PDE11A: variants seen among roughly 807,000 people sequenced by gnomAD.
The protein encoded by PDE11A is dual 3',5'-cyclic-AMP and -GMP phosphodiesterase 11A.
In PDE11A, 100 loss-of-function variants were observed where a neutral mutation model predicts 100.5. That is an observed-to-expected ratio of 1.00 (90% CI 0.85 to 1.18). The LOEUF (loss-of-function observed/expected upper bound fraction) is 1.18. Ranked by LOEUF, PDE11A falls within the 50% of genes most tolerant of loss-of-function variation. The probability of loss-of-function intolerance (pLI) is 0.00; values close to 1 mark genes in which losing one functional copy is unlikely to be tolerated. For synonymous variants in PDE11A, 381 were observed against 420.8 expected (o/e 0.91, Z 1.16); for missense variants, 1,141 against 1,152.6 (o/e 0.99, Z 0.15).
intron 12 of PDE11A, among the ~76,000 whole-genome samples, chr2:177,723,715 G>T (rs186126916): frequency 6.6e-6 from 1 of 152,154 alleles, no homozygotes; most frequent in Admixed American, 6.5e-5. Context: ...TGCAGGGCAT[G>T]GCTCAAAGTG....
At chr2:178,042,926 G>C (rs915975491) in intron 1 of PDE11A, among the ~76,000 whole-genome samples, 1 of 152,144 alleles carries the variant, frequency 6.6e-6, no homozygotes, top group Non-Finnish European at 1.5e-5. Context: ...TAGAGAGAAT[G>C]GTGGGAGGCG....
Position 178,072,320 on chromosome 2 carries a change from G to A in PDE11A, c.118C>T (p.Gln40Ter). The A allele has an allele frequency of 6.2e-7, 1 of 1,614,114 alleles. No individual in the cohort carries two copies. The highest frequency in any genetic ancestry group is 8.5e-7 in the Non-Finnish European group (1 of 1,180,032). ...GKQEMVEKWL[Q>*]RHSQGQGALG... is the part of the protein sequence containing the mutation. ...GCCCCCTGACCCTGACTGTGCCTCTGCAGCCACTTTTCAACCATCTCCTGC... is the reference window on the plus strand; with the variant it reads ...GCCCCCTGACCCTGACTGTGCCTCTACAGCCACTTTTCAACCATCTCCTGC... The change falls in exon 1 of 20, where the codon CAG (glutamine) becomes TAG (stop). Residue 40 changes from glutamine (Q) to a stop codon, truncating the protein, a stop_gained. Coordinates refer to ENST00000286063, the MANE Select transcript of PDE11A (RefSeq NM_016953.4). LOFTEE classifies it high-confidence loss of function.
intron 5 of PDE11A, among the ~76,000 whole-genome samples, chr2:177,861,295 A>G (rs1274794147): frequency 6.6e-6 from 1 of 151,902 alleles, no homozygotes; most frequent in Non-Finnish European, 1.5e-5. Flanking sequence ...CTAACATTGA[A>G]CAAATCAAAT....
At chr2:177,901,981 A>C (rs2084704687) in intron 3 of PDE11A, among the ~76,000 whole-genome samples, 1 of 152,318 alleles carries the variant, frequency 6.6e-6, no homozygotes, top group Non-Finnish European at 1.5e-5. Flanking sequence ...TGCTTTATTA[A>C]TGAGTGATGG....
At chr2:177,717,591 A>G (rs1369046377) in intron 12 of PDE11A, among the ~76,000 whole-genome samples, 1 of 152,188 alleles carries the variant, frequency 6.6e-6, no homozygotes, top group East Asian at 1.9e-4. Flanking sequence ...CGTATCAGAA[A>G]TAATAAGCAG....
chr2:177,728,233 G>A (rs2081631724), intron 10 of PDE11A, 61 bp from the exon 11 acceptor site: 2 of 1,456,434 alleles, frequency 1.4e-6, no homozygotes, highest in Admixed American at 1.7e-5. Flanking sequence ...CCCCCATCCT[G>A]CTCTCCTCCC....
intron 2 of PDE11A, among the ~76,000 whole-genome samples, chr2:178,093,508 C>A (rs2087449508): frequency 6.6e-6 from 1 of 152,130 alleles, no homozygotes; most frequent in Admixed American, 6.6e-5. Flanking sequence ...AGAAAGGTTC[C>A]TTTCTTTTCT....
At chr2:178,006,056 A>G (rs2086206295) in intron 2 of PDE11A, among the ~76,000 whole-genome samples, 1 of 152,224 alleles carries the variant, frequency 6.6e-6, no homozygotes, top group Admixed American at 6.5e-5. Flanking sequence ...CATACCAAGC[A>G]TTATCTGCAT....
chr2:178,107,696 T>C (rs1007321672), intron 1 of PDE11A, among the ~76,000 whole-genome samples: 1 of 151,420 alleles, frequency 6.6e-6, no homozygotes, highest in East Asian at 1.9e-4. Context: ...TATAATCTTA[T>C]AGGTTTAACA....
At position 177,968,908 on chromosome 2, in the gene PDE11A, C is replaced by T. The variant is rs113699606; in HGVS notation, c.1071+45394G>A. Among the ~76,000 whole-genome samples the T allele has an allele frequency of 1.0e-2, 1,517 of 152,276 alleles. 12 individuals carry two copies. The highest frequency in any genetic ancestry group is 0.016 in the Non-Finnish European group (1,077 of 68,010). On this transcript the variant is annotated intron_variant, in intron 2 of 19. Transcript: ENST00000286063. ...AGAAATACCATTTGATCTGGCAATC[C>T]CATTACTGGGTATATGTCCAAAGGA...
chr2:177,736,259 C>T (rs2081779914), intron 10 of PDE11A, among the ~76,000 whole-genome samples: 1 of 152,082 alleles, frequency 6.6e-6, no homozygotes, highest in African/African-American at 2.4e-5. Flanking sequence ...TGCCTGTAAT[C>T]CCAGCACTTT....
intron 5 of PDE11A, among the ~76,000 whole-genome samples, chr2:177,867,027 T>C (rs1312919081): frequency 5.3e-5 from 8 of 152,220 alleles, no homozygotes; most frequent in Non-Finnish European, 1.5e-5. Flanking sequence ...TAGATAAGAA[T>C]ATAGGTGCAT....
intron 3 of PDE11A, 25 bp from the exon 4 acceptor site, chr2:177,898,223 A>G (rs764560603): frequency 6.4e-7 from 1 of 1,562,734 alleles, no homozygotes; most frequent in South Asian, 1.1e-5. Context: ...ATAGATGTAT[A>G]TAAGTGGATG....
intron 2 of PDE11A, among the ~76,000 whole-genome samples, chr2:177,957,918 T>TTTTTTTTTTTTTTTTTTTTTTTG (rs71010841): frequency 6.7e-6 from 1 of 148,184 alleles, no homozygotes; most frequent in African/African-American, 2.5e-5. Context: ...GCCTTTTTTT[T>TTTTTTTTTTTTTTTTTTTTTTTG]GAGACGGAGT....
intron 13 of PDE11A, among the ~76,000 whole-genome samples, chr2:177,706,730 G>GA (rs767371699): frequency 6.6e-6 from 1 of 152,132 alleles, no homozygotes; most frequent in Non-Finnish European, 1.5e-5. Context: ...ATTGTCTTGA[G>GA]AAAAACGCAT....
At chr2:178,058,093 T>G (rs1316579687) in intron 1 of PDE11A, among the ~76,000 whole-genome samples, 2 of 152,076 alleles carry the variant, frequency 1.3e-5, no homozygotes, top group East Asian at 3.9e-4. Context: ...CCTGAACTCA[T>G]GATCTACCCA....
At chr2:177,796,399 A>G (rs2082708838) in intron 9 of PDE11A, among the ~76,000 whole-genome samples, 2 of 152,142 alleles carry the variant, frequency 1.3e-5, no homozygotes, top group South Asian at 4.1e-4. Flanking sequence ...CATTGCCAGT[A>G]CCTGCATGGG....
chr2:178,073,564 G>A (rs184158925), upstream of PDE11A, among the ~76,000 whole-genome samples: 137 of 152,252 alleles, frequency 9.0e-4, no homozygotes, highest in African/African-American at 3.1e-3. Flanking sequence ...TTTCCAAGAA[G>A]GTGAGTGGTG....
At chr2:178,037,581 T>C (rs1188592250) in intron 1 of PDE11A, among the ~76,000 whole-genome samples, 2 of 152,212 alleles carry the variant, frequency 1.3e-5, no homozygotes, top group African/African-American at 2.4e-5. Context: ...CATGTGTTTA[T>C]TGCAGCACTA....
Sources: allele counts gnomAD v4.1 joint callset (sites outside exome capture counted in the v4.1 genomes callset), GRCh38; gene constraint gnomAD v4.1.1; transcripts MANE v1.5; gene names NCBI Gene and HGNC (gene_info 2026-07-23, HGNC 2026-07-21).